Variants in UGGT2 observed in about 807,000 individuals in gnomAD.
UGGT2 encodes UDP-glucose glycoprotein glucosyltransferase 2, also known as UDP-glucose:glycoprotein glucosyltransferase 2.
Under a neutral mutation model 192.1 loss-of-function variants are expected in UGGT2, and 180 were observed. The observed-to-expected ratio is 0.94, with a 90% CI of 0.83 to 1.06. The LOEUF is 1.06. UGGT2 is among the 50% of genes least tolerant of loss of function. The pLI, the probability that UGGT2 is intolerant of heterozygous loss-of-function variation, is 0.00. For missense variants in UGGT2, 1,849 were observed against 1,795.7 expected (o/e 1.03, Z -0.54); for synonymous variants, 580 against 591.0 (o/e 0.98, Z 0.27).
intron 12 of UGGT2, among the ~76,000 whole-genome samples, chr13:95,956,948 G>A (rs2140668117): frequency 6.6e-6 from 1 of 152,200 alleles, no homozygotes; most frequent in East Asian, 1.9e-4. Flanking sequence ...ACAGATGAAT[G>A]GATAAACAAA....
intron 5 of UGGT2, among the ~76,000 whole-genome samples, chr13:96,008,952 C>T (rs559827103): frequency 2.0e-5 from 3 of 152,224 alleles, no homozygotes; most frequent in Admixed American, 2.0e-4. Flanking sequence ...AAGCTGAAGG[C>T]TACAGTAACC....
chr13:95,887,972 C>A lies in UGGT2; in HGVS notation c.2959-1G>T. 6.3e-7 allele frequency: 1 copy of A among 1,588,560 alleles called. No individual in the cohort carries two copies. Among genetic ancestry groups the A allele is most frequent in the South Asian group, 1.2e-5 (1 of 85,956 alleles). On this transcript the variant is annotated splice_acceptor_variant, in intron 25 of 38. Transcript: ENST00000376747. LOFTEE classifies it high-confidence loss of function. ...TCATGTTGATAATCTTGCCAAGTAC[C>A]TATTGGAAAGAAATTCCCATGTTTG...
chr13:95,859,305 T>C (rs1336313751), intron 33 of UGGT2, among the ~76,000 whole-genome samples: 1 of 152,164 alleles, frequency 6.6e-6, no homozygotes, highest in Non-Finnish European at 1.5e-5. Flanking sequence ...ATTGAAAATC[T>C]GTATATATTT....
In UGGT2 at chr13:95,940,026, T is replaced by C. The variant is rs781671875; in HGVS notation, c.1743A>G (p.Gln581=). ...AAATATTAGCATGAGGAAATGTATTTTGGAGAACACTCTTCACATTGTCCA... is the reference window on the plus strand; with the variant it reads ...AAATATTAGCATGAGGAAATGTATTCTGGAGAACACTCTTCACATTGTCCA... The part of the protein sequence containing the change: ...LTVDNVKSVL[Q]NTFPHANIWD... The change falls in exon 16 of 39, where the codon CAA becomes CAG. Residue 581 remains glutamine, a synonymous_variant. Coordinates refer to ENST00000376747, the MANE Select transcript of UGGT2 (RefSeq NM_020121.4). 1.3e-6 allele frequency: 2 copies of C among 1,599,992 alleles called. No individual in the cohort carries two copies. Among genetic ancestry groups the C allele is most frequent in the South Asian group, 1.1e-5 (1 of 88,846 alleles).
chr13:95,903,839 C>T (rs1368387879), intron 20 of UGGT2, among the ~76,000 whole-genome samples: 2 of 152,146 alleles, frequency 1.3e-5, no homozygotes, highest in East Asian at 1.9e-4. Context: ...AGATAACAAA[C>T]AGTTCCATTA....
In UGGT2 at chr13:96,017,636, G is replaced by C. The variant is rs180833151; in HGVS notation, c.486-4155C>G. On this transcript the variant is annotated intron_variant, in intron 4 of 38. Transcript: ENST00000376747. The stretch of plus-strand genomic sequence containing the variant: ...ACATGTAAGAACACAATAACTTTGT[G>C]GGAGAAGGATCTAAGATACCCTTTA... 3.4e-4 allele frequency among the ~76,000 whole-genome samples: 52 copies of C among 152,200 alleles called. No individual in the cohort carries two copies. The Middle Eastern group carries it at 0.01, about 30-fold the overall frequency.
At chr13:95,888,050 G>A in intron 25 of UGGT2, 79 bp from the exon 26 acceptor site, 8 of 967,010 alleles carry the variant, frequency 8.3e-6, no homozygotes, top group Non-Finnish European at 1.2e-5. Context: ...TATGTACCAG[G>A]TACTATATTA....
intron 9 of UGGT2, among the ~76,000 whole-genome samples, chr13:95,984,475 C>T (rs2051228432): frequency 6.6e-6 from 1 of 152,020 alleles, no homozygotes; most frequent in South Asian, 2.1e-4. Context: ...ACTACAGGTA[C>T]ACACCACCAC....
chr13:95,937,934 T>TG (rs139594367), intron 16 of UGGT2, among the ~76,000 whole-genome samples: 1,968 of 152,276 alleles, frequency 0.013, 43 homozygotes, highest in African/African-American at 0.045. Context: ...CCACATGTTG[T>TG]GGGGGGACCC....
At chr13:96,005,958 T>A (rs1353081007) in intron 5 of UGGT2, among the ~76,000 whole-genome samples, 1 of 152,118 alleles carries the variant, frequency 6.6e-6, no homozygotes, top group Non-Finnish European at 1.5e-5. Flanking sequence ...CCTGCATACA[T>A]GAAAGGCATG....
chr13:96,007,824 G>GA (rs2052028357), intron 5 of UGGT2, among the ~76,000 whole-genome samples: 1 of 152,100 alleles, frequency 6.6e-6, no homozygotes, highest in South Asian at 2.1e-4. Flanking sequence ...CATGTTCATG[G>GA]AAGAATTCAT....
intron 17 of UGGT2, among the ~76,000 whole-genome samples, chr13:95,931,770 G>A (rs918140438): frequency 3.9e-5 from 6 of 152,110 alleles, no homozygotes; most frequent in Non-Finnish European, 7.4e-5. Flanking sequence ...CGGAACTCGC[G>A]CTGGCCCATG....
chr13:95,853,394 T>C (rs1439033706), intron 36 of UGGT2, 149 bp downstream of exon 36: 7 of 562,712 alleles, frequency 1.2e-5, no homozygotes, highest in Non-Finnish European at 2.1e-5. Context: ...GAAAAAATTA[T>C]GTATAAGTAG....
chr13:95,867,439 T>C lies in UGGT2; in HGVS notation c.3474-16A>G, dbSNP rs1217632636. The C allele has an allele frequency of 1.9e-6, 3 of 1,585,478 alleles. No homozygotes were observed. On this transcript the variant is annotated splice_polypyrimidine_tract_variant and intron_variant, in intron 29 of 38. Coordinates refer to ENST00000376747, the MANE Select transcript of UGGT2 (RefSeq NM_020121.4). ...TCCTTCATGCCTAAAAGTAGAAAAA[T>C]GTGTCCATAATTAATTTAAGAATAG...
Position 96,053,389 on chromosome 13 carries a change from C to A in UGGT2, c.-77G>T, listed in dbSNP as rs982955705. ...GCCGCCACGCTTCGGCCGGCTCTTC[C>A]CGCTGCGCGGCTGCCCACTTCCGGT... On this transcript the variant is annotated 5_prime_UTR_variant, in exon 1 of 39. Coordinates refer to ENST00000376747, the MANE Select transcript of UGGT2 (RefSeq NM_020121.4). 6.6e-7 allele frequency: 1 copy of A among 1,513,704 alleles called. No individual in the cohort carries two copies. The highest frequency in any genetic ancestry group is 1.2e-5 in the South Asian group (1 of 80,866). The allele number at this position is 1,513,704 out of a possible 1,614,324, so 93.8% of individuals were successfully genotyped here. A position where few individuals can be genotyped will look rare whatever the true frequency, so the allele number is the denominator to read the frequency against.
chr13:95,945,951 CAGTT>C (rs1359441152), intron 15 of UGGT2, among the ~76,000 whole-genome samples: 1 of 151,986 alleles, frequency 6.6e-6, no homozygotes, highest in African/African-American at 2.4e-5. Flanking sequence ...ATTCCTTTCT[CAGTT>C]GGAAGAAGAG....
intron 20 of UGGT2, among the ~76,000 whole-genome samples, chr13:95,920,903 T>C (rs73558678): frequency 0.018 from 2,707 of 152,276 alleles, 74 homozygotes; most frequent in African/African-American, 0.06. Context: ...TGTATGTTCA[T>C]TGCAGCACCA....
chr13:95,977,538 G>C (rs945166775), intron 10 of UGGT2, among the ~76,000 whole-genome samples: 16 of 152,118 alleles, frequency 1.1e-4, no homozygotes, highest in African/African-American at 3.9e-4. Context: ...AAAAAGTCAG[G>C]AAACAACAGA....
intron 36 of UGGT2, among the ~76,000 whole-genome samples, chr13:95,852,742 A>G (rs1889176902): frequency 6.6e-6 from 1 of 152,192 alleles, no homozygotes; most frequent in African/African-American, 2.4e-5. Flanking sequence ...CAGATGCAAT[A>G]ATGAGGAAAT....
Sources: allele counts gnomAD v4.1 joint callset (sites outside exome capture counted in the v4.1 genomes callset), GRCh38; gene constraint gnomAD v4.1.1; transcripts MANE v1.5; gene names NCBI Gene and HGNC (gene_info 2026-07-23, HGNC 2026-07-21).